Variants in DENND1A observed in about 807,000 individuals in gnomAD.
DENND1A encodes DENN domain containing 1A, also known as DENN domain-containing protein 1A.
DENND1A carries 51 observed loss-of-function variants against 113.7 expected under a neutral mutation model. The ratio of observed to expected loss-of-function variants is 0.45; its 90% CI spans 0.36 to 0.57. DENND1A has a LOEUF of 0.57. Among genes scored for constraint, DENND1A ranks in the 20% least tolerant of loss-of-function variants. DENND1A has a pLI of 0.00. For missense variants in DENND1A, 1,258 were observed against 1,395.9 expected (o/e 0.90, Z 1.57); for synonymous variants, 565 against 570.8 (o/e 0.99, Z 0.14).
At chr9:123,596,534 G>A (rs1039352948) in intron 11 of DENND1A, among the ~76,000 whole-genome samples, 2 of 152,180 alleles carry the variant, frequency 1.3e-5, no homozygotes, top group African/African-American at 4.8e-5. Context: ...ATTTGCCCCA[G>A]ATCATAGAGT....
chr9:123,769,681 T>C (rs769602182), intron 3 of DENND1A, 118 bp from the exon 4 acceptor site: 140 of 750,390 alleles, frequency 1.9e-4, no homozygotes, highest in Admixed American at 2.9e-4. Flanking sequence ...TGAAGAAATA[T>C]GGGCTTTATC....
intron 3 of DENND1A, among the ~76,000 whole-genome samples, chr9:123,788,221 G>A (rs1050139809): frequency 2.0e-5 from 3 of 151,974 alleles, no homozygotes; most frequent in East Asian, 3.9e-4. Flanking sequence ...ATTTCAAAAC[G>A]GTATGTGTAA....
At chr9:123,618,678 G>A (rs972832991) in intron 10 of DENND1A, among the ~76,000 whole-genome samples, 1 of 152,342 alleles carries the variant, frequency 6.6e-6, no homozygotes, top group South Asian at 2.1e-4. Context: ...GAGCCAACAA[G>A]CACCATTCCC....
chr9:123,757,072 G>T (rs1027912591), intron 5 of DENND1A, among the ~76,000 whole-genome samples: 1 of 152,114 alleles, frequency 6.6e-6, no homozygotes, highest in African/African-American at 2.4e-5. Flanking sequence ...CTCCAAAATC[G>T]GATTTCCACA....
Position 123,381,719 on chromosome 9 carries a change from C to G in DENND1A, c.2926G>C (p.Ala976Pro), listed in dbSNP as rs1024218215. 1.3e-6 allele frequency: 2 copies of G among 1,535,740 alleles called. No homozygotes were observed. The highest frequency in any genetic ancestry group is 2.8e-5 in the African/African-American group (2 of 72,550). The change falls in exon 24 of 24, where the codon GCA becomes CCA. Residue 976 changes from alanine (A) to proline (P), a missense_variant. Physicochemically the swap from Ala to Pro is conservative, Grantham distance 27 (BLOSUM62 -1). This residue lies in a region of DENND1A where 1,159 missense variants were observed against 1,231.7 expected (regional missense o/e 0.94). Coordinates refer to ENST00000394215, the MANE Select transcript of DENND1A (RefSeq NM_001352964.2). The surrounding 1 kb of genome is among the most constrained non-coding windows in gnomAD (Gnocchi z 4.7). ...TSPLQPLGPP[A>P]VAPSRIRTLP... Reference sequence around the variant, plus strand: ...GTTCGGATCCTCGACGGGGCAACTGCTGGGGGACCCAGCGGCTGTAGGGGG... The same window carrying G: ...GTTCGGATCCTCGACGGGGCAACTGGTGGGGGACCCAGCGGCTGTAGGGGG...
intron 18 of DENND1A, among the ~76,000 whole-genome samples, chr9:123,443,647 G>A (rs910131693): frequency 6.6e-6 from 1 of 152,240 alleles, no homozygotes; most frequent in Non-Finnish European, 1.5e-5. Context: ...ACAAGAGGAG[G>A]AGCCCACGTC....
chr9:123,381,905 C>T lies in DENND1A; in HGVS notation c.2740G>A (p.Gly914Arg), dbSNP rs768095751. 63 of 441,092 alleles carry T rather than the reference C, an allele frequency of 1.4e-4. No individual in the cohort carries two copies. The highest frequency in any genetic ancestry group is 2.5e-4 in the Admixed American group (3 of 12,084). 27.3% of individuals were successfully genotyped at this position (441,092 alleles called of 1,614,324 possible). A position where few individuals can be genotyped will look rare whatever the true frequency, so the allele number is the denominator to read the frequency against. Residue 914 changes from glycine (G) to arginine (R), a missense_variant, in exon 24 of 24, where the codon GGG becomes AGG. By Grantham distance (125) the Gly-to-Arg change is moderately radical (BLOSUM62 -2). Coordinates refer to ENST00000394215, the MANE Select transcript of DENND1A (RefSeq NM_001352964.2). This position sits in a 1 kb window ranked among gnomAD's most constrained non-coding sequence, Gnocchi z 4.7. ...GAAGCTGGAGGGGCCCCGAAAGGCC[C>T]GGCTGGTGTGGAGACCAGGGGCAGG... ...PTLPLVSTPA[G>R]PFGAPPASLG...
intron 5 of DENND1A, among the ~76,000 whole-genome samples, chr9:123,724,801 G>C (rs928801370): frequency 6.6e-6 from 1 of 152,118 alleles, no homozygotes; most frequent in African/African-American, 2.4e-5. Context: ...ATTCTCAAAC[G>C]ATTCAAGCTG....
chr9:123,898,462 A>C (rs1938718794), intron 1 of DENND1A, among the ~76,000 whole-genome samples: 1 of 152,036 alleles, frequency 6.6e-6, no homozygotes, highest in South Asian at 2.1e-4. Flanking sequence ...CCAAGTAGCC[A>C]GGACTACAGC....
intron 19 of DENND1A, among the ~76,000 whole-genome samples, chr9:123,414,782 C>A (rs1336346498): frequency 1.3e-5 from 2 of 152,176 alleles, no homozygotes; most frequent in Admixed American, 6.5e-5. Context: ...AGATTCAGGG[C>A]CCCGCCATCC....
At chr9:123,449,483 C>T (rs972032475) in intron 18 of DENND1A, among the ~76,000 whole-genome samples, 1 of 148,734 alleles carries the variant, frequency 6.7e-6, no homozygotes, top group Non-Finnish European at 1.5e-5. Context: ...TGCAGTGAGC[C>T]GAGATCGCGC....
chr9:123,528,275 T>C (rs755407), intron 13 of DENND1A, among the ~76,000 whole-genome samples: 100,524 of 152,088 alleles, frequency 0.66, 33,732 homozygotes, highest in East Asian at 0.81. Flanking sequence ...CCTAGCAAGC[T>C]ACTGAGAAAG....
chr9:123,519,305 C>T (rs2054195452), intron 13 of DENND1A, among the ~76,000 whole-genome samples: 1 of 152,236 alleles, frequency 6.6e-6, no homozygotes, highest in Non-Finnish European at 1.5e-5. Context: ...CTATTGTTGG[C>T]TGCCCACCCA....
At chr9:123,768,164 A>G (rs1420285559) in intron 4 of DENND1A, among the ~76,000 whole-genome samples, 2 of 152,200 alleles carry the variant, frequency 1.3e-5, no homozygotes, top group African/African-American at 4.8e-5. Context: ...TCAACCTGCT[A>G]CTGAAATATT....
intron 10 of DENND1A, among the ~76,000 whole-genome samples, chr9:123,617,879 G>T (rs2138069480): frequency 6.6e-6 from 1 of 152,106 alleles, no homozygotes; most frequent in South Asian, 2.1e-4. Context: ...ATAAATAAGA[G>T]AAAAAGAGAA....
At chr9:123,433,260 C>G (rs2046273114) in intron 19 of DENND1A, among the ~76,000 whole-genome samples, 1 of 152,224 alleles carries the variant, frequency 6.6e-6, no homozygotes, top group South Asian at 2.1e-4. Flanking sequence ...AGTGGCACAG[C>G]TGAAACTTAA....
intron 19 of DENND1A, among the ~76,000 whole-genome samples, chr9:123,433,397 T>C (rs541711297): frequency 7.0e-4 from 107 of 152,330 alleles, no homozygotes; most frequent in Middle Eastern, 6.8e-3. Context: ...TTGCTTTCTC[T>C]CTCTTCTCTA....
intron 12 of DENND1A, among the ~76,000 whole-genome samples, chr9:123,577,696 T>G (rs2058699652): frequency 6.6e-6 from 1 of 150,624 alleles, no homozygotes; most frequent in African/African-American, 2.5e-5. Context: ...GTTTAAAACT[T>G]TTCATCGAAG....
At chr9:123,415,830 C>G (rs1264753575) in intron 19 of DENND1A, among the ~76,000 whole-genome samples, 1 of 152,162 alleles carries the variant, frequency 6.6e-6, no homozygotes, top group Non-Finnish European at 1.5e-5. Context: ...GCTTCCTAGA[C>G]AGGGCGTGGT....
Sources: allele counts gnomAD v4.1 joint callset (sites outside exome capture counted in the v4.1 genomes callset), GRCh38; gene constraint gnomAD v4.1.1; regional missense constraint gnomAD v4.1.1; non-coding constraint Gnocchi (gnomAD v3.1); transcripts MANE v1.5; gene names NCBI Gene and HGNC (gene_info 2026-07-23, HGNC 2026-07-21).